ADAMTSL3: variants seen among roughly 807,000 people sequenced by gnomAD.
ADAMTSL3 encodes ADAMTS-like protein 3.
A neutral mutation model predicts 201.7 loss-of-function variants in ADAMTSL3; 128 were observed. That is an observed-to-expected ratio of 0.63 (90% CI 0.55 to 0.73). The LOEUF is 0.73. ADAMTSL3 is among the 30% of genes least tolerant of loss of function. The pLI is 0.00. For synonymous variants in ADAMTSL3, 738 were observed against 748.4 expected (o/e 0.99, Z 0.23); for missense variants, 1,990 against 2,119.6 (o/e 0.94, Z 1.20).
At chr15:83,694,103 G>T (rs1207824627) in intron 2 of ADAMTSL3, among the ~76,000 whole-genome samples, 1 of 152,218 alleles carries the variant, frequency 6.6e-6, no homozygotes, top group Non-Finnish European at 1.5e-5. Flanking sequence ...GGCCCTGAGA[G>T]CATGTTCTTC....
At chr15:83,813,619 C>G (rs1402564335) in intron 5 of ADAMTSL3, among the ~76,000 whole-genome samples, 1 of 152,128 alleles carries the variant, frequency 6.6e-6, no homozygotes, top group Non-Finnish European at 1.5e-5. Flanking sequence ...ACAATTCAGA[C>G]TTTGGTTCAG....
chr15:84,016,715 A>G (rs952432283), intron 25 of ADAMTSL3, among the ~76,000 whole-genome samples: 1 of 152,234 alleles, frequency 6.6e-6, no homozygotes, highest in Non-Finnish European at 1.5e-5. Flanking sequence ...GAGGAAGCCT[A>G]CAGAGCTCAT....
At chr15:83,897,371 G>T (rs2141907675) in intron 13 of ADAMTSL3, among the ~76,000 whole-genome samples, 1 of 152,080 alleles carries the variant, frequency 6.6e-6, no homozygotes, top group Middle Eastern at 3.4e-3. Context: ...ACTCTTTGAT[G>T]GCCTCGTTAT....
In ADAMTSL3 at chr15:83,990,014, T is replaced by C. The variant is rs77556399; in HGVS notation, c.3845-1072T>C. On this transcript the variant is annotated intron_variant, in intron 22 of 29. Coordinates refer to ENST00000286744, the MANE Select transcript of ADAMTSL3 (RefSeq NM_207517.3). The stretch of plus-strand genomic sequence containing the variant: ...ATGTTTTAAATAGGTCTCCTTGCAA[T>C]TGATGGTCTTTAAATAGTCTTTTCT... Among the ~76,000 whole-genome samples, 544 of 152,326 alleles carry C rather than the reference T, an allele frequency of 3.6e-3. 4 individuals carry two copies. Among genetic ancestry groups the C allele is most frequent in the African/African-American group, 0.013 (522 of 41,558 alleles).
intron 6 of ADAMTSL3, among the ~76,000 whole-genome samples, chr15:83,822,157 C>T (rs1344671139): frequency 6.0e-5 from 9 of 149,538 alleles, no homozygotes; most frequent in Admixed American, 2.0e-4. Context: ...CCAGACGGGG[C>T]GGCTGGCCTG....
At chr15:83,853,896 A>G (rs1390459803) in intron 7 of ADAMTSL3, among the ~76,000 whole-genome samples, 2 of 140,296 alleles carry the variant, frequency 1.4e-5, no homozygotes, top group East Asian at 4.2e-4. Flanking sequence ...CATTATCCCT[A>G]TCACTCTATC....
chr15:83,867,046 C>T (rs536356457), intron 8 of ADAMTSL3, among the ~76,000 whole-genome samples: 1 of 152,292 alleles, frequency 6.6e-6, no homozygotes, highest in South Asian at 2.1e-4. Flanking sequence ...TTCTGAATAT[C>T]TAAATATAGA....
intron 23 of ADAMTSL3, among the ~76,000 whole-genome samples, chr15:84,012,805 G>A (rs1235702809): frequency 6.6e-6 from 1 of 152,156 alleles, no homozygotes; most frequent in Non-Finnish European, 1.5e-5. Context: ...AAAGTCCCAA[G>A]GGCAACCATC....
rs1596278035 is a variant in ADAMTSL3 at position 83,825,281 on chromosome 15, C to T, written c.600+5234C>T. Among the ~76,000 whole-genome samples, 4 of 152,280 alleles carry T rather than the reference C, an allele frequency of 2.6e-5. No individual in the cohort carries two copies. The South Asian group carries it at 8.3e-4, about 32-fold the overall frequency. On this transcript the variant is annotated intron_variant, in intron 6 of 29. Coordinates refer to ENST00000286744, the MANE Select transcript of ADAMTSL3 (RefSeq NM_207517.3). ...TGTTTTCCAAGTTCTTGACAATGAT[C>T]ATGCATTGTTTTTATAATTAAAATG... is the stretch of plus-strand genomic sequence containing the variant.
intron 23 of ADAMTSL3, among the ~76,000 whole-genome samples, chr15:83,997,542 T>C (rs531402834): frequency 2.2e-4 from 33 of 152,276 alleles, no homozygotes; most frequent in African/African-American, 7.9e-4. Context: ...TGAGCTGAGA[T>C]TGTGCCATTG....
At chr15:83,718,448 A>C (rs2062049340) in intron 3 of ADAMTSL3, among the ~76,000 whole-genome samples, 1 of 152,188 alleles carries the variant, frequency 6.6e-6, no homozygotes, top group South Asian at 2.1e-4. Context: ...TCACACCTGC[A>C]ATCCCAGAAT....
intron 6 of ADAMTSL3, among the ~76,000 whole-genome samples, chr15:83,835,360 T>C (rs1195216358): frequency 6.6e-6 from 1 of 152,178 alleles, no homozygotes; most frequent in Non-Finnish European, 1.5e-5. Context: ...CAAGACTTTC[T>C]TTTCAAATAT....
At chr15:84,034,768 T>A (rs1214859622) in intron 28 of ADAMTSL3, among the ~76,000 whole-genome samples, 1 of 152,146 alleles carries the variant, frequency 6.6e-6, no homozygotes, top group African/African-American at 2.4e-5. Context: ...AATCAGCAGT[T>A]CCATCTGGCT....
chr15:84,030,857 A>G (rs556680466), intron 27 of ADAMTSL3, among the ~76,000 whole-genome samples: 56 of 152,232 alleles, frequency 3.7e-4, no homozygotes, highest in African/African-American at 1.0e-3. Flanking sequence ...AGTTTCCCTC[A>G]TGCTATTCTC....
chr15:83,821,045 G>A (rs548776547), intron 6 of ADAMTSL3, among the ~76,000 whole-genome samples: 1 of 151,936 alleles, frequency 6.6e-6, no homozygotes, highest in Non-Finnish European at 1.5e-5. Context: ...CTGCACTCCA[G>A]TCTGAGTGAC....
chr15:83,715,700 C>G (rs2062007576), intron 3 of ADAMTSL3, among the ~76,000 whole-genome samples: 1 of 152,152 alleles, frequency 6.6e-6, no homozygotes, highest in Admixed American at 6.5e-5. Flanking sequence ...TACATGGGTC[C>G]TTGTTTCCTC....
At chr15:83,926,394 G>T (rs1596415679) in intron 17 of ADAMTSL3, among the ~76,000 whole-genome samples, 3 of 152,136 alleles carry the variant, frequency 2.0e-5, no homozygotes, top group Non-Finnish European at 2.9e-5. Context: ...CAATGAAGTG[G>T]TACATCAGAT....
intron 9 of ADAMTSL3, among the ~76,000 whole-genome samples, chr15:83,877,029 A>G (rs1218414151): frequency 6.6e-6 from 1 of 152,160 alleles, no homozygotes; most frequent in East Asian, 1.9e-4. Flanking sequence ...CCTGACCTCA[A>G]GTGATCCACC....
chr15:83,913,176 C>T lies in ADAMTSL3; in HGVS notation c.1785C>T (p.Leu595=). 1 of 1,614,174 alleles carries T rather than the reference C, an allele frequency of 6.2e-7. No individual in the cohort carries two copies. Among genetic ancestry groups the T allele is most frequent in the South Asian group, 1.1e-5 (1 of 91,082 alleles). Residue 595 remains leucine, a synonymous_variant, in exon 16 of 30, where the codon CTC becomes CTT. Coordinates refer to ENST00000286744, the MANE Select transcript of ADAMTSL3 (RefSeq NM_207517.3). The stretch of plus-strand genomic sequence containing the variant: ...GTGAGGTGAAGTGCCGTGTGCTCCT[C>T]ACATTCACGCAGACTGAGACTGAGC... ...QVREVKCRVL[L]TFTQTETELP...
Sources: allele counts gnomAD v4.1 joint callset (sites outside exome capture counted in the v4.1 genomes callset), GRCh38; gene constraint gnomAD v4.1.1; transcripts MANE v1.5; gene names NCBI Gene and HGNC (gene_info 2026-07-23, HGNC 2026-07-21).